SYNPR: variants seen among roughly 807,000 people sequenced by gnomAD.
The protein encoded by SYNPR is synaptoporin.
Under a neutral mutation model 32.9 loss-of-function variants are expected in SYNPR, and 23 were observed. That is an observed-to-expected ratio of 0.70 (90% CI 0.50 to 0.99). SYNPR has a LOEUF of 0.99. Ranked by LOEUF, SYNPR falls within the 50% of genes least tolerant of loss-of-function variation. The probability of loss-of-function intolerance (pLI) is 0.00; values close to 1 mark genes in which losing one functional copy is unlikely to be tolerated. For synonymous variants in SYNPR, 146 were observed against 135.9 expected, an observed-to-expected ratio of 1.07 and a Z score of -0.52; for missense variants, 318 against 349.3, an observed-to-expected ratio of 0.91 and a Z score of 0.71.
At chr3:63,416,553 C>CA (rs2088543289) in intron 2 of SYNPR, among the ~76,000 whole-genome samples, 2 of 112,416 alleles carry the variant, frequency 1.8e-5, no homozygotes, top group African/African-American at 3.2e-5. Context: ...AAAAAAAAAA[C>CA]CAAAAAAAAA....
chr3:63,340,394 T>C (rs1029576169), intron 2 of SYNPR, among the ~76,000 whole-genome samples: 1 of 151,210 alleles, frequency 6.6e-6, no homozygotes, highest in African/African-American at 2.4e-5. Context: ...ACCACCTAGA[T>C]TCTACCATTA....
chr3:63,228,986 A>G (rs186868197), intron 1 of SYNPR, among the ~76,000 whole-genome samples: 381 of 152,338 alleles, frequency 2.5e-3, no homozygotes, highest in African/African-American at 8.9e-3. Flanking sequence ...TTCTCTAAAG[A>G]GCATTCTGCA....
At chr3:63,342,460 A>T (rs2087382950) in intron 2 of SYNPR, among the ~76,000 whole-genome samples, 1 of 152,200 alleles carries the variant, frequency 6.6e-6, no homozygotes, top group South Asian at 2.1e-4. Flanking sequence ...GCATACTAGA[A>T]TAAATCCTAC....
At chr3:63,460,775 A>G (rs781705252) in intron 2 of SYNPR, among the ~76,000 whole-genome samples, 2 of 152,048 alleles carry the variant, frequency 1.3e-5, no homozygotes, top group South Asian at 2.1e-4. Flanking sequence ...AGTGGGGAAA[A>G]GGAGGCGACA....
chr3:63,468,515 A>ACACACACACACACACAC (rs1559508057), intron 2 of SYNPR, among the ~76,000 whole-genome samples: 5 of 151,838 alleles, frequency 3.3e-5, no homozygotes, highest in African/African-American at 1.2e-4. Flanking sequence ...ACACACACAC[A>ACACACACACACACACAC]AATGCTTAAG....
chr3:63,286,306 A>C (rs77640898), intron 2 of SYNPR, among the ~76,000 whole-genome samples: 1 of 45,452 alleles, frequency 2.2e-5, no homozygotes, highest in Non-Finnish European at 4.7e-5. Context: ...AGGTGTGAAG[A>C]GATACTTTTC....
chr3:63,583,850 C>T (rs11917016), intron 4 of SYNPR, among the ~76,000 whole-genome samples: 82,358 of 151,816 alleles, frequency 0.54, 23,003 homozygotes, highest in African/African-American at 0.67. Flanking sequence ...ATAGTTCTGA[C>T]TGCAGATCCT....
chr3:63,262,201 G>T (rs749577945), intron 2 of SYNPR, among the ~76,000 whole-genome samples: 1 of 152,144 alleles, frequency 6.6e-6, no homozygotes, highest in Non-Finnish European at 1.5e-5. Flanking sequence ...GCTGAATTGG[G>T]GTATGCAATT....
At chr3:63,295,758 A>T (rs1395986557) in intron 2 of SYNPR, among the ~76,000 whole-genome samples, 1 of 152,238 alleles carries the variant, frequency 6.6e-6, no homozygotes, top group Non-Finnish European at 1.5e-5. Flanking sequence ...AATCGAAACC[A>T]CAGTTGCCTA....
intron 3 of SYNPR, among the ~76,000 whole-genome samples, chr3:63,270,898 TTTC>T (rs2086529031): frequency 1.8e-5 from 1 of 55,388 alleles, no homozygotes; most frequent in African/African-American, 7.3e-5. Context: ...CTTCCTTCCT[TTTC>T]TTTCCTTCCT....
At chr3:63,236,227 G>A (rs1033165254) in intron 1 of SYNPR, among the ~76,000 whole-genome samples, 3 of 151,750 alleles carry the variant, frequency 2.0e-5, no homozygotes, top group Non-Finnish European at 2.9e-5. Flanking sequence ...CTTTTCCATA[G>A]ATCTATACAT....
At chr3:63,302,082 A>C (rs1003260084) in intron 2 of SYNPR, among the ~76,000 whole-genome samples, 3 of 152,120 alleles carry the variant, frequency 2.0e-5, no homozygotes, top group African/African-American at 7.2e-5. Flanking sequence ...ACCATTCCTC[A>C]TCAGCATCTC....
intron 2 of SYNPR, among the ~76,000 whole-genome samples, chr3:63,326,936 T>A (rs2087174419): frequency 6.6e-6 from 1 of 152,100 alleles, no homozygotes; most frequent in Non-Finnish European, 1.5e-5. Flanking sequence ...CATTTCCATG[T>A]TCCTAAATTT....
the SYNPR span, among the ~76,000 whole-genome samples, chr3:63,218,598 C>T: frequency 6.6e-6 from 1 of 152,332 alleles, no homozygotes; most frequent in South Asian, 2.1e-4. Context: ...TACCTGTAAA[C>T]TCTTTGCTTT....
intron 2 of SYNPR, among the ~76,000 whole-genome samples, chr3:63,374,362 C>T (rs1477552897): frequency 6.6e-6 from 1 of 152,076 alleles, no homozygotes; most frequent in African/African-American, 2.4e-5. Context: ...TGCATATTCT[C>T]ACTTATAAAT....
intron 4 of SYNPR, among the ~76,000 whole-genome samples, chr3:63,587,607 C>T (rs569494737): frequency 6.6e-6 from 1 of 152,062 alleles, no homozygotes; most frequent in African/African-American, 2.4e-5. Flanking sequence ...TCCGGGAAGG[C>T]GTTTGCAAAG....
chr3:63,405,049 A>G (rs2088341140), intron 2 of SYNPR, among the ~76,000 whole-genome samples: 1 of 152,102 alleles, frequency 6.6e-6, no homozygotes, highest in African/African-American at 2.4e-5. Flanking sequence ...AGAACCAAGC[A>G]GGTACAACAA....
chr3:63,444,010 G>A (rs1016918341), intron 2 of SYNPR, among the ~76,000 whole-genome samples: 12 of 152,130 alleles, frequency 7.9e-5, no homozygotes, highest in Non-Finnish European at 8.8e-5. Flanking sequence ...ACCTTTAAAA[G>A]GACTGAATTT....
chr3:63,365,657 T>C (rs1293083759), intron 2 of SYNPR, among the ~76,000 whole-genome samples: 2 of 152,196 alleles, frequency 1.3e-5, no homozygotes. Flanking sequence ...TTTAAAGAAA[T>C]ATATTCAGTT....
Sources: gnomAD v4.1 joint callset for allele counts (sites outside exome capture counted in the v4.1 genomes callset) on GRCh38, gnomAD v4.1.1 for gene constraint, MANE v1.5 for transcripts, NCBI Gene and HGNC (gene_info 2026-07-23, HGNC 2026-07-21) for gene names.